Variants in FLT3 observed in about 807,000 individuals in gnomAD.
FLT3 encodes the protein receptor-type tyrosine-protein kinase FLT3.
In FLT3, 46 loss-of-function variants were observed where a neutral mutation model predicts 126.6. The observed-to-expected ratio is 0.36, with a 90% CI of 0.29 to 0.46. FLT3 has a LOEUF of 0.46. Ranked by LOEUF, FLT3 falls within the 20% of genes least tolerant of loss-of-function variation. FLT3 has a pLI of 1.00. For synonymous variants in FLT3, 404 were observed against 434.4 expected, an observed-to-expected ratio of 0.93 and a Z score of 0.87; for missense variants, 1,069 against 1,190.3, an observed-to-expected ratio of 0.90 and a Z score of 1.50.
At chr13:28,085,626 C>T (rs1004139941) in intron 1 of FLT3, among the ~76,000 whole-genome samples, 7 of 151,144 alleles carry the variant, frequency 4.6e-5, no homozygotes, top group Non-Finnish European at 1.0e-4. Context: ...TAGGTGCATA[C>T]GTTTAGGATT....
intron 1 of FLT3, among the ~76,000 whole-genome samples, chr13:28,091,503 G>T (rs1293822632): frequency 1.3e-5 from 2 of 151,618 alleles, no homozygotes; most frequent in East Asian, 1.9e-4. Flanking sequence ...TTACAGGCGT[G>T]AGCCACCGCG....
At chr13:28,025,080 C>T (rs1389470699) in intron 17 of FLT3, 137 bp from the exon 18 acceptor site, 3 of 631,928 alleles carry the variant, frequency 4.7e-6, no homozygotes, top group South Asian at 2.1e-5. Context: ...ATCCATTTGT[C>T]CATTTTTTGT....
intron 1 of FLT3, among the ~76,000 whole-genome samples, chr13:28,082,844 C>T (rs899256578): frequency 1.4e-4 from 22 of 152,036 alleles, no homozygotes; most frequent in African/African-American, 4.6e-4. Flanking sequence ...GCTGGGACTA[C>T]AGGCACCCAC....
chr13:28,031,061 C>T (rs1361189639), intron 15 of FLT3, among the ~76,000 whole-genome samples: 2 of 151,974 alleles, frequency 1.3e-5, no homozygotes, highest in African/African-American at 4.8e-5. Context: ...TCTGTCTCTA[C>T]TAAAAATACA....
chr13:28,072,728 G>A (rs1877624353), intron 1 of FLT3, among the ~76,000 whole-genome samples: 1 of 152,166 alleles, frequency 6.6e-6, no homozygotes, highest in Non-Finnish European at 1.5e-5. Flanking sequence ...ATGCGGCCGG[G>A]CGTGGTGGCT....
chr13:28,012,267 G>A (rs570499561), intron 23 of FLT3, among the ~76,000 whole-genome samples: 3 of 152,108 alleles, frequency 2.0e-5, no homozygotes, highest in Non-Finnish European at 4.4e-5. Context: ...TGGATATGTT[G>A]CCATTCAACG....
At chr13:28,015,978 G>T (rs1001534165) in intron 20 of FLT3, among the ~76,000 whole-genome samples, 2 of 152,168 alleles carry the variant, frequency 1.3e-5, no homozygotes, top group Non-Finnish European at 2.9e-5. Context: ...ACTGGAAAGA[G>T]GTACTTTCCA....
intron 1 of FLT3, among the ~76,000 whole-genome samples, chr13:28,079,512 T>G (rs143759844): frequency 0.023 from 3,507 of 152,200 alleles, 122 homozygotes; most frequent in African/African-American, 0.08. Context: ...GGTACCAATT[T>G]ACTGTATTAG....
intron 1 of FLT3, among the ~76,000 whole-genome samples, chr13:28,078,002 T>A (rs1306846090): frequency 6.6e-6 from 1 of 152,174 alleles, no homozygotes; most frequent in Non-Finnish European, 1.5e-5. Flanking sequence ...AAGAGGTGGA[T>A]TCCTATGGTC....
intron 1 of FLT3, among the ~76,000 whole-genome samples, chr13:28,072,474 G>GC (rs1378405850): frequency 6.6e-6 from 1 of 152,008 alleles, no homozygotes; most frequent in African/African-American, 2.4e-5. Context: ...ACTGCTCACT[G>GC]CAACCTCTGT....
At chr13:28,013,211 A>G (rs1176698618) in intron 23 of FLT3, among the ~76,000 whole-genome samples, 2 of 152,240 alleles carry the variant, frequency 1.3e-5, no homozygotes, top group African/African-American at 4.8e-5. Context: ...ACCCAGGTCT[A>G]TATAGAGAAT....
intron 9 of FLT3, among the ~76,000 whole-genome samples, chr13:28,047,517 C>G (rs576271762): frequency 6.6e-6 from 1 of 151,972 alleles, no homozygotes; most frequent in African/African-American, 2.4e-5. Flanking sequence ...CCGAGACCAG[C>G]CTGCGCAACA....
At chr13:28,044,408 C>T (rs1203578460) in intron 9 of FLT3, among the ~76,000 whole-genome samples, 1 of 150,956 alleles carries the variant, frequency 6.6e-6, no homozygotes, top group African/African-American at 2.4e-5. Flanking sequence ...CAAGATCATG[C>T]CACTGCACTC....
chr13:28,083,197 A>G (rs1192520285), intron 1 of FLT3, among the ~76,000 whole-genome samples: 1 of 152,092 alleles, frequency 6.6e-6, no homozygotes, highest in Non-Finnish European at 1.5e-5. Context: ...TGGATATTGA[A>G]CTTTGTCAAA....
At chr13:28,081,041 T>C (rs1411310227) in intron 1 of FLT3, among the ~76,000 whole-genome samples, 9 of 152,234 alleles carry the variant, frequency 5.9e-5, no homozygotes, top group Non-Finnish European at 1.3e-4. Context: ...ACTACTGCTT[T>C]ATAATAAGCC....
chr13:28,092,044 T>C (rs78525779), intron 1 of FLT3, among the ~76,000 whole-genome samples: 28,680 of 152,070 alleles, frequency 0.19, 2,732 homozygotes, highest in Middle Eastern at 0.25. Flanking sequence ...CACTCCAGCC[T>C]GGGTGATGGA....
intron 23 of FLT3, among the ~76,000 whole-genome samples, chr13:28,013,147 A>C (rs1184285239): frequency 6.6e-6 from 1 of 152,154 alleles, no homozygotes; most frequent in African/African-American, 2.4e-5. Context: ...ACAATAACCT[A>C]GTTTCCATGT....
At chr13:28,018,157 T>G (rs1042597569) in intron 20 of FLT3, among the ~76,000 whole-genome samples, 1 of 152,216 alleles carries the variant, frequency 6.6e-6, no homozygotes, top group African/African-American at 2.4e-5. Context: ...CTAGGATAAC[T>G]GAACTAAGTG....
chr13:28,043,371 T>A (rs1874556094), intron 9 of FLT3, among the ~76,000 whole-genome samples: 1 of 152,206 alleles, frequency 6.6e-6, no homozygotes, highest in Non-Finnish European at 1.5e-5. Flanking sequence ...CAAGCCCTAG[T>A]AAACTTTGGC....
Sources: gnomAD v4.1 joint callset for allele counts (sites outside exome capture counted in the v4.1 genomes callset) on GRCh38, gnomAD v4.1.1 for gene constraint, MANE v1.5 for transcripts, NCBI Gene and HGNC (gene_info 2026-07-23, HGNC 2026-07-21) for gene names.